The following TTC29 variants were observed in gnomAD, a reference collection of about 807,000 sequenced individuals.
TTC29 encodes the protein tetratricopeptide repeat protein 29.
In TTC29, 49 loss-of-function variants were observed where a neutral mutation model predicts 58.1. The observed-to-expected ratio is 0.84, with a 90% CI of 0.67 to 1.07. The LOEUF (loss-of-function observed/expected upper bound fraction) is 1.07, where lower values mean the gene tolerates loss of function less well. Among genes scored for constraint, TTC29 ranks in the 50% least tolerant of loss-of-function variants. The pLI is 0.00. For missense variants in TTC29, 582 were observed against 555.6 expected (o/e 1.05, Z -0.48); for synonymous variants, 209 against 196.8 (o/e 1.06, Z -0.52).
intron 11 of TTC29, among the ~76,000 whole-genome samples, chr4:146,742,430 C>A (rs373765597): frequency 1.1e-4 from 16 of 152,314 alleles, no homozygotes; most frequent in South Asian, 4.1e-4. Flanking sequence ...AGACTCCCTG[C>A]ATCTTCTAGA....
In TTC29 at chr4:146,707,516, G is replaced by T; in HGVS notation, c.1366C>A (p.Gln456Lys). 1 of 1,608,868 alleles carries T rather than the reference G, an allele frequency of 6.2e-7. No homozygotes were observed. The highest frequency in any genetic ancestry group is 1.1e-5 in the South Asian group (1 of 90,644). ...FRGSTVEAVS[Q>K]NSERLEELSR... Reference sequence around the variant, plus strand: ...AGTTCTTCCAAACGTTCTGAGTTTTGAGATACAGCTTCCACTGTGGATCCT... The same window carrying T: ...AGTTCTTCCAAACGTTCTGAGTTTTTAGATACAGCTTCCACTGTGGATCCT... The change falls in exon 12 of 13, where the codon CAA (glutamine) becomes AAA (lysine). Residue 456 changes from glutamine (Q) to lysine (K), a missense_variant. By Grantham distance (53) the Gln-to-Lys change is moderately conservative (BLOSUM62 1). Transcript: ENST00000325106.
At chr4:146,787,870 G>T (rs1314091013) in intron 11 of TTC29, among the ~76,000 whole-genome samples, 1 of 149,428 alleles carries the variant, frequency 6.7e-6, no homozygotes, top group African/African-American at 2.5e-5. Context: ...CCCTCCTCCT[G>T]TCGGTCACCA....
intron 11 of TTC29, among the ~76,000 whole-genome samples, chr4:146,779,263 T>C (rs1261628027): frequency 1.3e-5 from 2 of 152,148 alleles, no homozygotes; most frequent in African/African-American, 4.8e-5. Context: ...TACACATGTA[T>C]ACATATTGAA....
chr4:146,806,955 G>T (rs376352703), intron 10 of TTC29, among the ~76,000 whole-genome samples: 2 of 152,034 alleles, frequency 1.3e-5, no homozygotes, highest in Non-Finnish European at 2.9e-5. Context: ...GCACCACATC[G>T]CACTTATTCT....
intron 6 of TTC29, among the ~76,000 whole-genome samples, chr4:146,884,342 A>C (rs1342581268): frequency 1.3e-5 from 2 of 152,116 alleles, no homozygotes; most frequent in Non-Finnish European, 1.5e-5. Flanking sequence ...TTTACTCTGA[A>C]AAATGAAGTG....
At chr4:146,728,827 A>ATG (rs1491386162) in intron 11 of TTC29, among the ~76,000 whole-genome samples, 2 of 67,744 alleles carry the variant, frequency 3.0e-5, no homozygotes, top group Non-Finnish European at 6.4e-5. Context: ...GTATATATAC[A>ATG]TATATATACA....
intron 10 of TTC29, among the ~76,000 whole-genome samples, chr4:146,815,872 A>G (rs962620696): frequency 6.6e-6 from 1 of 152,180 alleles, no homozygotes; most frequent in Non-Finnish European, 1.5e-5. Flanking sequence ...ACCTCCAAAC[A>G]ACACCCAAAC....
chr4:146,808,506 A>C (rs1750780645), intron 10 of TTC29, among the ~76,000 whole-genome samples: 1 of 152,236 alleles, frequency 6.6e-6, no homozygotes, highest in African/African-American at 2.4e-5. Flanking sequence ...ATCTCAGCCC[A>C]AAATCTCCTT....
At chr4:146,723,075 C>T (rs951398095) in intron 11 of TTC29, among the ~76,000 whole-genome samples, 4 of 151,990 alleles carry the variant, frequency 2.6e-5, no homozygotes, top group Admixed American at 1.3e-4. Context: ...GGTGAAACCC[C>T]GTTTCTACTA....
In TTC29 at chr4:146,909,135, A is replaced by G; in HGVS notation, c.291T>C (p.Ala97=). ...LMERWDALRE[A]ARVRSLFWLQ... is the part of the protein sequence containing the mutation. ...GCCAGAAGAGGGACCTGACTCTCGC[A>G]GCCTCCCTCAGGGCATCCCACCGCT... The change falls in exon 5 of 13, where the codon GCT becomes GCC. Residue 97 remains alanine, a synonymous_variant. Coordinates refer to ENST00000325106, the MANE Select transcript of TTC29 (RefSeq NM_031956.4). 6.2e-7 allele frequency: 1 copy of G among 1,613,816 alleles called. No homozygotes were observed. Among genetic ancestry groups the G allele is most frequent in the Non-Finnish European group, 8.5e-7 (1 of 1,179,838 alleles).
At chr4:146,743,022 T>A (rs546837771) in intron 11 of TTC29, among the ~76,000 whole-genome samples, 32 of 152,078 alleles carry the variant, frequency 2.1e-4, no homozygotes, top group African/African-American at 6.7e-4. Context: ...TGCCTGACAT[T>A]ACAAAAGAAA....
rs951162032 is a variant in TTC29 at position 146,714,636 on chromosome 4, C to A, written c.1331-7085G>T. On this transcript the variant is annotated intron_variant, in intron 11 of 12. Transcript: ENST00000325106. ...AACCTATAAAATGTACAATGACATA[C>A]CCACTGAAAATATCTTTTAAAAATG... Among the ~76,000 whole-genome samples, 13 of 151,556 alleles carry A rather than the reference C, an allele frequency of 8.6e-5. 1 individual carries two copies. The highest frequency in any genetic ancestry group is 3.1e-4 in the African/African-American group (13 of 41,406).
intron 8 of TTC29, among the ~76,000 whole-genome samples, chr4:146,837,163 A>G (rs1021879874): frequency 1.3e-5 from 2 of 152,170 alleles, no homozygotes; most frequent in Non-Finnish European, 1.5e-5. Flanking sequence ...CTATGCAGCC[A>G]TAAGAAAGAA....
intron 8 of TTC29, among the ~76,000 whole-genome samples, chr4:146,845,281 T>C (rs149140739): frequency 1.8e-4 from 27 of 152,130 alleles, no homozygotes; most frequent in African/African-American, 6.5e-4. Flanking sequence ...TGAGACACAA[T>C]GTAGGTTGAT....
chr4:146,725,381 A>T (rs1224045105), intron 11 of TTC29, among the ~76,000 whole-genome samples: 2 of 152,072 alleles, frequency 1.3e-5, no homozygotes, highest in Non-Finnish European at 1.5e-5. Context: ...AAAAAATTTT[A>T]AAAAATTAGC....
chr4:146,942,887 C>G (rs918520590), intron 2 of TTC29: 1 of 347,312 alleles, frequency 2.9e-6, no homozygotes, highest in Non-Finnish European at 5.2e-6. Context: ...AAATGAGGAA[C>G]AGTGCTTGCA....
intron 11 of TTC29, among the ~76,000 whole-genome samples, chr4:146,790,252 G>C (rs550508826): frequency 3.3e-5 from 5 of 150,698 alleles, no homozygotes; most frequent in African/African-American, 1.2e-4. Flanking sequence ...GCAGTGGCGC[G>C]ATCTCGGCTC....
intron 4 of TTC29, 115 bp downstream of exon 4, chr4:146,937,479 T>C (rs1735933179): frequency 2.9e-6 from 2 of 689,304 alleles, no homozygotes; most frequent in Admixed American, 3.5e-5. Flanking sequence ...CTTTAATTTT[T>C]AAATGCCATG....
At chr4:146,823,582 G>A (rs1751985392) in intron 9 of TTC29, among the ~76,000 whole-genome samples, 1 of 152,116 alleles carries the variant, frequency 6.6e-6, no homozygotes, top group Non-Finnish European at 1.5e-5. Flanking sequence ...CTGGCTATAT[G>A]GGGTCTTCTT....
Sources: allele counts gnomAD v4.1 joint callset (sites outside exome capture counted in the v4.1 genomes callset), GRCh38; gene constraint gnomAD v4.1.1; transcripts MANE v1.5; gene names NCBI Gene and HGNC (gene_info 2026-07-23, HGNC 2026-07-21).